Variants in CFAP20DC observed in about 807,000 individuals in gnomAD.
CFAP20DC encodes the protein protein CFAP20DC.
In CFAP20DC, 84 loss-of-function variants were observed where a neutral mutation model predicts 101.7. The observed-to-expected ratio is 0.83, with a 90% confidence interval of 0.69 to 0.99. CFAP20DC has a LOEUF of 0.99. Among genes scored for constraint, CFAP20DC ranks in the 50% least tolerant of loss-of-function variants. The probability of loss-of-function intolerance (pLI) is 0.00; values close to 1 mark genes in which losing one functional copy is unlikely to be tolerated. For synonymous variants in CFAP20DC, 359 were observed against 351.2 expected (o/e 1.02, Z -0.25); for missense variants, 1,007 against 970.3 (o/e 1.04, Z -0.50).
At chr3:58,741,103 G>T (rs558698158), downstream of CFAP20DC, among the ~76,000 whole-genome samples, 2 of 152,296 alleles carry the variant, frequency 1.3e-5, no homozygotes, top group African/African-American at 4.8e-5. Flanking sequence ...AATATTAAAT[G>T]AAATTATAGT....
chr3:58,798,391 T>C (rs1324727050), intron 15 of CFAP20DC, among the ~76,000 whole-genome samples: 1 of 152,148 alleles, frequency 6.6e-6, no homozygotes, highest in Non-Finnish European at 1.5e-5. Flanking sequence ...GAACTAGAGT[T>C]AGAAATAAAG....
At chr3:58,813,492 G>C (rs1403724693) in intron 14 of CFAP20DC, among the ~76,000 whole-genome samples, 1 of 151,900 alleles carries the variant, frequency 6.6e-6, no homozygotes, top group Non-Finnish European at 1.5e-5. Context: ...ACCCAGTGGG[G>C]TTGGTGTTAA....
At chr3:58,879,427 A>G (rs1019555812) in intron 7 of CFAP20DC, among the ~76,000 whole-genome samples, 2 of 152,192 alleles carry the variant, frequency 1.3e-5, no homozygotes, top group Admixed American at 6.5e-5. Flanking sequence ...GAACGCAATA[A>G]CAACTACTAA....
At chr3:58,842,440 T>A (rs1290719750) in intron 13 of CFAP20DC, among the ~76,000 whole-genome samples, 1 of 151,930 alleles carries the variant, frequency 6.6e-6, no homozygotes, top group Admixed American at 6.5e-5. Context: ...CCCACCCGAA[T>A]ATTGCGCTTT....
chr3:59,040,696 T>A (rs1273316341), intron 3 of CFAP20DC, among the ~76,000 whole-genome samples: 1 of 152,076 alleles, frequency 6.6e-6, no homozygotes, highest in African/African-American at 2.4e-5. Flanking sequence ...CGTTTTTGGA[T>A]AGTCTATATA....
chr3:58,952,455 C>T (rs1014401669), intron 4 of CFAP20DC, among the ~76,000 whole-genome samples: 7 of 152,036 alleles, frequency 4.6e-5, no homozygotes, highest in South Asian at 2.1e-4. Flanking sequence ...TGACTGTCAC[C>T]GTATTGCAGT....
chr3:58,824,286 C>T (rs971754418), intron 14 of CFAP20DC, among the ~76,000 whole-genome samples: 10 of 152,000 alleles, frequency 6.6e-5, no homozygotes, highest in African/African-American at 2.4e-4. Flanking sequence ...TCTGAAATGC[C>T]AATATATTAT....
At chr3:58,975,073 G>A (rs2092196679) in intron 4 of CFAP20DC, among the ~76,000 whole-genome samples, 1 of 152,200 alleles carries the variant, frequency 6.6e-6, no homozygotes, top group Non-Finnish European at 1.5e-5. Context: ...ATCAGCATAT[G>A]TGCCAGTCTC....
chr3:59,049,476 C>CCATT, intron 1 of CFAP20DC, 135 bp downstream of exon 1: 1 of 852,528 alleles, frequency 1.2e-6, no homozygotes, highest in Non-Finnish European at 1.9e-6. Flanking sequence ...CAGCATTCAC[C>CCATT]CATTAATTCT....
intron 13 of CFAP20DC, among the ~76,000 whole-genome samples, chr3:58,841,179 G>GGT (rs939826707): frequency 4.9e-4 from 75 of 152,282 alleles, no homozygotes; most frequent in African/African-American, 1.7e-3. Context: ...TAACACACAG[G>GGT]GTGACCTGAC....
At chr3:58,762,359 C>T (rs889181496) in intron 15 of CFAP20DC, among the ~76,000 whole-genome samples, 7 of 152,102 alleles carry the variant, frequency 4.6e-5, no homozygotes, top group African/African-American at 1.2e-4. Context: ...AGGATTGCAA[C>T]CCCCGCATTT....
At chr3:58,919,216 C>T (rs2107511451) in intron 5 of CFAP20DC, among the ~76,000 whole-genome samples, 1 of 152,140 alleles carries the variant, frequency 6.6e-6, no homozygotes, top group East Asian at 1.9e-4. Flanking sequence ...TTTCACTCAG[C>T]ATAATATTTA....
intron 7 of CFAP20DC, among the ~76,000 whole-genome samples, chr3:58,881,547 T>A (rs114373123): frequency 7.2e-4 from 109 of 152,284 alleles, no homozygotes; most frequent in African/African-American, 2.5e-3. Flanking sequence ...CTTGATCAAG[T>A]TATATGCTAT....
intron 3 of CFAP20DC, among the ~76,000 whole-genome samples, chr3:59,041,495 T>C (rs1277213604): frequency 1.3e-5 from 2 of 152,130 alleles, no homozygotes; most frequent in Non-Finnish European, 2.9e-5. Context: ...ATAAATTCTA[T>C]AGTAACATTT....
rs144060776 is a variant in CFAP20DC, at chr3:58,789,725, G to GAT, written c.2237+16668_2237+16669dup. Reference sequence around the variant, plus strand: ...TGGGTGATAAATGGATTTTTGAACAGATGATGGTAAAATGCTATTTTAAAA... The same window carrying GAT: ...TGGGTGATAAATGGATTTTTGAACAGATATGATGGTAAAATGCTATTTTAAAA... On this transcript the variant is annotated intron_variant, in intron 15 of 16. Transcript: ENST00000482387. Among the ~76,000 whole-genome samples, 1,507 of 152,248 alleles carry GAT rather than the reference G, an allele frequency of 9.9e-3. 24 individuals carry two copies. The highest frequency in any genetic ancestry group is 0.035 in the African/African-American group (1,457 of 41,552).
chr3:58,980,010 G>C (rs1194682137), intron 4 of CFAP20DC, among the ~76,000 whole-genome samples: 1 of 152,128 alleles, frequency 6.6e-6, no homozygotes, highest in Non-Finnish European at 1.5e-5. Flanking sequence ...AGCACTGTTT[G>C]CCTCGGACAT....
intron 7 of CFAP20DC, among the ~76,000 whole-genome samples, chr3:58,875,141 C>T (rs1576073674): frequency 6.6e-6 from 1 of 152,188 alleles, no homozygotes. Flanking sequence ...TGATGATGCT[C>T]TCAACAGTAG....
At chr3:58,996,399 C>G (rs1042272329) in intron 4 of CFAP20DC, among the ~76,000 whole-genome samples, 9 of 152,082 alleles carry the variant, frequency 5.9e-5, no homozygotes, top group Non-Finnish European at 1.3e-4. Context: ...TATTTAAAAC[C>G]TTTACCAAAA....
intron 15 of CFAP20DC, among the ~76,000 whole-genome samples, chr3:58,783,478 C>G (rs1203791901): frequency 6.6e-6 from 1 of 151,444 alleles, no homozygotes; most frequent in African/African-American, 2.4e-5. Context: ...GAACAAAAAC[C>G]AACCAACCAA....
Sources: allele counts gnomAD v4.1 joint callset (sites outside exome capture counted in the v4.1 genomes callset), GRCh38; gene constraint gnomAD v4.1.1; transcripts MANE v1.5; gene names NCBI Gene and HGNC (gene_info 2026-07-23, HGNC 2026-07-21).